Variants in GRID2 observed in about 807,000 individuals in gnomAD.
The protein encoded by GRID2 is glutamate ionotropic receptor delta type subunit 2.
A neutral mutation model predicts 114.8 loss-of-function variants in GRID2; 33 were observed. That is an observed-to-expected ratio of 0.29 (90% CI 0.22 to 0.38). The LOEUF (loss-of-function observed/expected upper bound fraction) is 0.38, where lower values mean the gene tolerates loss of function less well. Among genes scored for constraint, GRID2 ranks in the 10% least tolerant of loss-of-function variants. The pLI is 1.00. For synonymous variants in GRID2, 505 were observed against 449.9 expected (o/e 1.12, Z -1.55); for missense variants, 1,184 against 1,257.7 (o/e 0.94, Z 0.89).
intron 1 of GRID2, among the ~76,000 whole-genome samples, chr4:92,454,674 A>G (rs2149081967): frequency 6.6e-6 from 1 of 152,250 alleles, no homozygotes; most frequent in East Asian, 1.9e-4. Context: ...GCCTCTACCA[A>G]AAATACAAAA....
intron 12 of GRID2, among the ~76,000 whole-genome samples, chr4:93,501,903 A>G (rs548307217): frequency 6.6e-6 from 1 of 152,170 alleles, no homozygotes; most frequent in Admixed American, 6.6e-5. Flanking sequence ...AAACCTATTA[A>G]GTGCTGTGCT....
intron 1 of GRID2, among the ~76,000 whole-genome samples, chr4:92,556,267 G>A (rs1726845010): frequency 6.6e-6 from 1 of 151,990 alleles, no homozygotes; most frequent in Non-Finnish European, 1.5e-5. Flanking sequence ...ATCCTTCTTT[G>A]TATGGTCAAA....
chr4:93,195,313 A>G (rs866286296), intron 4 of GRID2, among the ~76,000 whole-genome samples: 31 of 152,170 alleles, frequency 2.0e-4, no homozygotes, highest in African/African-American at 7.2e-4. Flanking sequence ...AAGCCAGTCA[A>G]GCATGTGTTA....
chr4:93,657,449 T>C (rs567451545), intron 14 of GRID2, among the ~76,000 whole-genome samples: 68 of 152,276 alleles, frequency 4.5e-4, no homozygotes, highest in Middle Eastern at 3.4e-3. Flanking sequence ...CTAAAATTTT[T>C]CTCTACTTTA....
intron 1 of GRID2, among the ~76,000 whole-genome samples, chr4:92,444,436 C>A (rs550138073): frequency 3.9e-5 from 6 of 151,924 alleles, no homozygotes; most frequent in African/African-American, 9.7e-5. Context: ...GTGCTTTTGG[C>A]GCCAGGATGA....
chr4:93,430,739 G>A (rs1039528271), intron 10 of GRID2, among the ~76,000 whole-genome samples: 10 of 152,224 alleles, frequency 6.6e-5, no homozygotes, highest in African/African-American at 2.2e-4. Flanking sequence ...AATGCACTAG[G>A]TGCAATGATA....
chr4:92,960,566 T>C (rs186439462), intron 2 of GRID2, among the ~76,000 whole-genome samples: 3 of 151,982 alleles, frequency 2.0e-5, no homozygotes, highest in Admixed American at 2.0e-4. Flanking sequence ...GTCTGAAATT[T>C]GTTTTGATGA....
chr4:92,719,737 T>C (rs538586180), intron 2 of GRID2, among the ~76,000 whole-genome samples: 26 of 151,614 alleles, frequency 1.7e-4, no homozygotes, highest in Admixed American at 3.3e-4. Flanking sequence ...GGGGGGAGAA[T>C]AGGGGGAAGA....
chr4:92,387,339 A>C (rs1384521401), intron 1 of GRID2, among the ~76,000 whole-genome samples: 1 of 151,944 alleles, frequency 6.6e-6, no homozygotes, highest in Admixed American at 6.6e-5. Flanking sequence ...TATTGTGTCT[A>C]AGAGATGTTT....
chr4:93,193,049 T>A (rs1741141430), intron 4 of GRID2, among the ~76,000 whole-genome samples: 1 of 152,182 alleles, frequency 6.6e-6, no homozygotes, highest in Non-Finnish European at 1.5e-5. Flanking sequence ...TTACTTCAAG[T>A]ATGTCCTTGT....
intron 14 of GRID2, among the ~76,000 whole-genome samples, chr4:93,682,468 A>G (rs900623692): frequency 6.6e-6 from 1 of 152,000 alleles, no homozygotes; most frequent in African/African-American, 2.4e-5. Flanking sequence ...GCTGCTATAA[A>G]GACACATGCA....
In GRID2 at chr4:92,641,825, T is replaced by TACATAG; in HGVS notation, c.244+51539_244+51540insACATAG. ...CAGTAGTCTTCAGTGTCTATTCCCA[T>TACATAG]TCTTAGGTCTATGTATGTTCAATGT... On this transcript the variant is annotated intron_variant, in intron 2 of 15. Transcript: ENST00000282020. Among the ~76,000 whole-genome samples, 5 of 151,556 alleles carry TACATAG rather than the reference T, an allele frequency of 3.3e-5. 1 individual carries two copies. Among genetic ancestry groups the TACATAG allele is most frequent in the African/African-American group, 1.2e-4 (5 of 41,392 alleles).
intron 8 of GRID2, among the ~76,000 whole-genome samples, chr4:93,346,385 C>T (rs773916698): frequency 6.6e-6 from 1 of 152,128 alleles, no homozygotes; most frequent in Non-Finnish European, 1.5e-5. Flanking sequence ...GCTTTGACTT[C>T]CTGCTCCCTC....
At chr4:92,308,013 T>C (rs1329992425) in intron 1 of GRID2, among the ~76,000 whole-genome samples, 1 of 152,220 alleles carries the variant, frequency 6.6e-6, no homozygotes, top group Non-Finnish European at 1.5e-5. Context: ...GCAATGATAC[T>C]GTGTTTTATG....
At chr4:93,106,678 A>T (rs1732267746) in intron 3 of GRID2, among the ~76,000 whole-genome samples, 1 of 152,176 alleles carries the variant, frequency 6.6e-6, no homozygotes, top group African/African-American at 2.4e-5. Context: ...CATGGCTCTG[A>T]ATCTTCTCTC....
chr4:93,804,800 C>T (rs186121129), intron 1 of GRID2, among the ~76,000 whole-genome samples: 2 of 152,300 alleles, frequency 1.3e-5, no homozygotes, highest in Non-Finnish European at 2.9e-5. Context: ...CCCATAAAAC[C>T]AGTCCTACCT....
chr4:92,823,257 G>T (rs2149389633), intron 2 of GRID2, among the ~76,000 whole-genome samples: 1 of 152,168 alleles, frequency 6.6e-6, no homozygotes, highest in Admixed American at 6.6e-5. Flanking sequence ...TAGGAACTAT[G>T]AACATTTCAT....
At chr4:92,931,684 TAAA>T (rs551124629) in intron 2 of GRID2, among the ~76,000 whole-genome samples, 1 of 139,548 alleles carries the variant, frequency 7.2e-6, no homozygotes. Context: ...ATAACCTGGA[TAAA>T]AAAAAAAAAG....
intron 8 of GRID2, among the ~76,000 whole-genome samples, chr4:93,365,454 A>G (rs952345575): frequency 6.6e-6 from 1 of 152,186 alleles, no homozygotes; most frequent in African/African-American, 2.4e-5. Flanking sequence ...TACTAAAGTT[A>G]TTTGGTCTAA....
Sources: gnomAD v4.1 joint callset for allele counts (sites outside exome capture counted in the v4.1 genomes callset) on GRCh38, gnomAD v4.1.1 for gene constraint, MANE v1.5 for transcripts, NCBI Gene and HGNC (gene_info 2026-07-23, HGNC 2026-07-21) for gene names.